Variants in SARS1 observed in about 807,000 individuals in gnomAD.
SARS1 encodes seryl-tRNA synthetase 1.
A neutral mutation model predicts 63.7 loss-of-function variants in SARS1; 25 were observed. That is an observed-to-expected ratio of 0.39 (90% CI 0.29 to 0.55). The LOEUF (loss-of-function observed/expected upper bound fraction) is 0.55. Among genes scored for constraint, SARS1 ranks in the 20% least tolerant of loss-of-function variants. The pLI, the probability that SARS1 is intolerant of heterozygous loss-of-function variation, is 0.62. For synonymous variants in SARS1, 231 were observed against 243.5 expected, an observed-to-expected ratio of 0.95 and a Z score of 0.48; for missense variants, 417 against 649.7, an observed-to-expected ratio of 0.64 and a Z score of 3.89.
At chr1:109,224,185 A>G (rs974378795) in intron 2 of SARS1, 137 bp downstream of exon 2, 4 of 674,618 alleles carry the variant, frequency 5.9e-6, no homozygotes, top group Non-Finnish European at 1.0e-5. Flanking sequence ...AGGGGAAAAT[A>G]TTATTTTAAA....
At position 109,215,436 on chromosome 1, in the gene SARS1, A is replaced by G. The variant is rs147388118; in HGVS notation, c.136+1308A>G. 1.7e-4 allele frequency: 167 copies of G among 985,408 alleles called. 4 individuals are homozygous for G. The East Asian group carries it at 0.011, about 68-fold the overall frequency. The allele number at this position is 985,408 out of a possible 1,614,324, so 61.0% of individuals were successfully genotyped here. A position where few individuals can be genotyped will look rare whatever the true frequency, so the allele number is the denominator to read the frequency against. On this transcript the variant is annotated intron_variant, in intron 1 of 10. Transcript: ENST00000234677. The stretch of plus-strand genomic sequence containing the variant: ...TGAGGGATTTGTCCCTTATCTGAAA[A>G]GTAGATAGGTGGTGAGTTCTTCAGG...
rs1165635665 is a variant in SARS1 at position 109,238,076 on chromosome 1, A to G, written c.*188A>G. ...CCTCGCATGGGCATAGGGACCCATC[A>G]TTGATGACTGATGAAACCATGTAAT... On this transcript the variant is annotated 3_prime_UTR_variant, in exon 11 of 11. Transcript: ENST00000234677. 4 of 635,486 alleles carry G rather than the reference A, an allele frequency of 6.3e-6. No homozygotes were observed. The East Asian group carries it at 1.1e-4, about 18-fold the overall frequency. 39.4% of individuals were successfully genotyped at this position (635,486 alleles called of 1,614,324 possible).
At chr1:109,215,695 T>G in intron 1 of SARS1, 1 of 938,774 alleles carries the variant, frequency 1.1e-6, no homozygotes, top group South Asian at 4.9e-5. Context: ...AAGTCATTTC[T>G]TTTCTTTGTT....
At chr1:109,216,532 G>A (rs1215996104) in intron 1 of SARS1, 1 of 984,972 alleles carries the variant, frequency 1.0e-6, no homozygotes, top group Non-Finnish European at 1.2e-6. Flanking sequence ...CATGTAACTG[G>A]AAATCTGCTG....
chr1:109,231,404 G>A (rs600711), intron 5 of SARS1: 317,076 of 364,706 alleles, frequency 0.87, 139,340 homozygotes, highest in Middle Eastern at 0.92. Flanking sequence ...GAGAACATCA[G>A]GATAATTCTC....
intron 1 of SARS1, chr1:109,216,200 G>T (rs1393159976): frequency 1.0e-6 from 1 of 985,254 alleles, no homozygotes; most frequent in East Asian, 1.1e-4. Context: ...TTCTCTCATT[G>T]CCTTGAGCAA....
At chr1:109,236,902 A>G (rs1387878632) in intron 9 of SARS1, 1 of 1,571,296 alleles carries the variant, frequency 6.4e-7, no homozygotes, top group Non-Finnish European at 8.6e-7. Flanking sequence ...CTTCAAACCC[A>G]ATTTTCAGGC....
intron 1 of SARS1, chr1:109,215,457 T>C: frequency 1.0e-6 from 1 of 985,396 alleles, no homozygotes; most frequent in Non-Finnish European, 1.2e-6. Flanking sequence ...GGTGAGTTCT[T>C]CAGGGACAAG....
At position 109,214,775 on chromosome 1, in the gene SARS1, A is replaced by G. The variant is rs1654747938; in HGVS notation, c.136+647A>G. 1.0e-6 allele frequency: 1 copy of G among 985,372 alleles called. No homozygotes were observed. Among genetic ancestry groups the G allele is most frequent in the African/African-American group, 1.7e-5 (1 of 57,250 alleles). The allele number at this position is 985,372 out of a possible 1,614,324, so 61.0% of individuals were successfully genotyped here. ...AGTGAGGAGGCGAGCAAAAGATTGT[A>G]ATGACTGAAGCTGTTTAATTGTGAT... On this transcript the variant is annotated intron_variant, in intron 1 of 10. Coordinates refer to ENST00000234677, the MANE Select transcript of SARS1 (RefSeq NM_006513.4). This position sits in a 1 kb window ranked among gnomAD's most constrained non-coding sequence, Gnocchi z 4.6.
Position 109,214,255 on chromosome 1 carries a change from C to T in SARS1, c.136+127C>T. 1 of 1,135,314 alleles carries T rather than the reference C, an allele frequency of 8.8e-7. No homozygotes were observed. The highest frequency in any genetic ancestry group is 2.2e-4 in the Middle Eastern group (1 of 4,540). 70.3% of individuals were successfully genotyped at this position (1,135,314 alleles called of 1,614,324 possible). ...GACCCCCTCCCAGGGTGCGGTGGCT[C>T]CGAGGTTCTCCCCATCCCCGAAAAC... is the stretch of plus-strand genomic sequence containing the variant. On this transcript the variant is annotated intron_variant, in intron 1 of 10. Transcript: ENST00000234677. The surrounding 1 kb of genome is among the most constrained non-coding windows in gnomAD (Gnocchi z 4.6).
intron 1 of SARS1, chr1:109,215,181 C>T (rs1256504239): frequency 1.0e-6 from 1 of 985,198 alleles, no homozygotes; most frequent in East Asian, 1.1e-4. Context: ...TGTCTTAGGC[C>T]CTCTATTGTA....
At position 109,214,055 on chromosome 1, in the gene SARS1, G is replaced by A; in HGVS notation, c.63G>A (p.Glu21=). ...GAGGGGACCCAGCCCTCATCCGAGAGACGCAGGAGAAGCGCTTCAAGGACC... is the reference window on the plus strand; with the variant it reads ...GAGGGGACCCAGCCCTCATCCGAGAAACGCAGGAGAAGCGCTTCAAGGACC... ...DKGGDPALIR[E]TQEKRFKDPG... The change falls in exon 1 of 11, where the codon GAG becomes GAA. Residue 21 remains glutamate (E), a synonymous_variant. Transcript: ENST00000234677. The surrounding 1 kb of genome is among the most constrained non-coding windows in gnomAD (Gnocchi z 4.6). 6.2e-7 allele frequency: 1 copy of A among 1,614,194 alleles called. No homozygotes were observed. Among genetic ancestry groups the A allele is most frequent in the African/African-American group, 1.3e-5 (1 of 75,068 alleles).
intron 2 of SARS1, among the ~76,000 whole-genome samples, chr1:109,225,192 C>A (rs374904059): frequency 3.3e-5 from 5 of 152,230 alleles, no homozygotes; most frequent in Non-Finnish European, 5.9e-5. Context: ...ACAACAACAA[C>A]AAAAAATTAT....
At chr1:109,217,151 T>G (rs2101180798) in intron 1 of SARS1, 1 of 984,390 alleles carries the variant, frequency 1.0e-6, no homozygotes, top group Admixed American at 6.1e-5. Flanking sequence ...GAATGTTAGC[T>G]TCATGTATAC....
Position 109,217,170 on chromosome 1 carries a change from C to G in SARS1, c.136+3042C>G, listed in dbSNP as rs1654809406. ...GTTAGCTTCATGTATACAGATGCTC[C>G]TTGACTTAGGATGGGTTTATGTCCC... On this transcript the variant is annotated intron_variant, in intron 1 of 10. Transcript: ENST00000234677. The G allele has an allele frequency of 3.1e-6, 3 of 979,358 alleles. No homozygotes were observed. In the African/African-American group the frequency reaches 5.3e-5, roughly 17 times the overall value. 60.7% of individuals were successfully genotyped at this position (979,358 alleles called of 1,614,324 possible).
Position 109,214,582 on chromosome 1 carries a change from C to T in SARS1, c.136+454C>T. 2.0e-6 allele frequency: 2 copies of T among 987,904 alleles called. No homozygotes were observed. The highest frequency in any genetic ancestry group is 2.4e-6 in the Non-Finnish European group (2 of 831,302). The allele number at this position is 987,904 out of a possible 1,614,324, so 61.2% of individuals were successfully genotyped here. A position where few individuals can be genotyped will look rare whatever the true frequency, so the allele number is the denominator to read the frequency against. On this transcript the variant is annotated intron_variant, in intron 1 of 10. Coordinates refer to ENST00000234677, the MANE Select transcript of SARS1 (RefSeq NM_006513.4). This position sits in a 1 kb window ranked among gnomAD's most constrained non-coding sequence, Gnocchi z 4.6. ...TTCTCCTGAGACTGCGTCACTTCTG[C>T]AACACAGTAGATTCATTCCTTCGGT...
chr1:109,231,108 CAT>C lies in SARS1; in HGVS notation c.591+89_591+90del. 6 of 857,568 alleles carry C rather than the reference CAT, an allele frequency of 7.0e-6. No individual in the cohort carries two copies. In the South Asian group the frequency reaches 3.0e-4, roughly 43 times the overall value. The allele number at this position is 857,568 out of a possible 1,614,324, so 53.1% of individuals were successfully genotyped here. Reference sequence around the variant, plus strand: ...ATTTTTTTTTTTTTTTGTAGAGAAACATAATCTGTTTAAAGAGGCCCACAGAT... The same window carrying C: ...ATTTTTTTTTTTTTTTGTAGAGAAACAATCTGTTTAAAGAGGCCCACAGAT... On this transcript the variant is annotated intron_variant, in intron 5 of 10. Coordinates refer to ENST00000234677, the MANE Select transcript of SARS1 (RefSeq NM_006513.4).
chr1:109,236,817 C>G (rs779102134), intron 9 of SARS1: 7 of 1,599,294 alleles, frequency 4.4e-6, no homozygotes, highest in Non-Finnish European at 6.0e-6. Flanking sequence ...AAAGAATAAT[C>G]TCCATTTATC....
chr1:109,236,140 C>T, intron 8 of SARS1, 34 bp downstream of exon 8: 2 of 1,597,372 alleles, frequency 1.3e-6, no homozygotes, highest in Admixed American at 3.5e-5. Context: ...GCCTCCCTTT[C>T]CTGTAATCCC....
Sources: allele counts gnomAD v4.1 joint callset (sites outside exome capture counted in the v4.1 genomes callset), GRCh38; gene constraint gnomAD v4.1.1; non-coding constraint Gnocchi (gnomAD v3.1); transcripts MANE v1.5; gene names NCBI Gene and HGNC (gene_info 2026-07-23, HGNC 2026-07-21).